TMTC1: variants seen among roughly 807,000 people sequenced by gnomAD.
The protein encoded by TMTC1 is protein O-mannosyl-transferase TMTC1.
A neutral mutation model predicts 104.8 loss-of-function variants in TMTC1; 73 were observed. The ratio of observed to expected loss-of-function variants is 0.70; its 90% confidence interval spans 0.58 to 0.85. The LOEUF (loss-of-function observed/expected upper bound fraction) is 0.85. Among genes scored for constraint, TMTC1 ranks in the 40% least tolerant of loss-of-function variants. The pLI is 0.00. For synonymous variants in TMTC1, 434 were observed against 428.7 expected (o/e 1.01, Z -0.15); for missense variants, 1,035 against 1,096.1 (o/e 0.94, Z 0.79).
At chr12:29,591,688 C>A (rs159700) in intron 7 of TMTC1, among the ~76,000 whole-genome samples, 55,569 of 152,104 alleles carry the variant, frequency 0.37, 10,544 homozygotes, top group East Asian at 0.45. Flanking sequence ...GCTAGGCATG[C>A]AGCACTTAAA....
At chr12:29,559,610 T>C (rs1370560700) in intron 9 of TMTC1, among the ~76,000 whole-genome samples, 3 of 152,210 alleles carry the variant, frequency 2.0e-5, no homozygotes, top group Middle Eastern at 3.2e-3. Context: ...AGAAACGTGA[T>C]GCTCAGGAGG....
At chr12:29,560,477 G>A (rs1444770996) in intron 9 of TMTC1, among the ~76,000 whole-genome samples, 1 of 151,994 alleles carries the variant, frequency 6.6e-6, no homozygotes, top group African/African-American at 2.4e-5. Flanking sequence ...AAATGTATGG[G>A]GCCGGGTGAG....
intron 6 of TMTC1, among the ~76,000 whole-genome samples, chr12:29,623,825 ATAAATTAAATTAAAT>A (rs1555177658): frequency 6.7e-6 from 1 of 148,824 alleles, no homozygotes; most frequent in Non-Finnish European, 1.5e-5. Flanking sequence ...AAATAAATAA[ATAAATTAAATTAAAT>A]TAAATTAAAT....
chr12:29,664,092 A>T (rs12828880), intron 5 of TMTC1, among the ~76,000 whole-genome samples: 2 of 149,456 alleles, frequency 1.3e-5, no homozygotes, highest in African/African-American at 4.9e-5. Flanking sequence ...GAGGCTGAGG[A>T]AGGAGAATGG....
chr12:29,701,084 A>C (rs1348457693), intron 5 of TMTC1, among the ~76,000 whole-genome samples: 1 of 149,888 alleles, frequency 6.7e-6, no homozygotes, highest in African/African-American at 2.5e-5. Context: ...CTGCTGACTG[A>C]GAGTCTTGCT....
chr12:29,659,872 A>C, intron 5 of TMTC1: 1 of 1,526,418 alleles, frequency 6.6e-7, no homozygotes, highest in East Asian at 2.4e-5. Context: ...AAAATTATTT[A>C]TACTAACCTC....
chr12:29,598,766 G>C (rs1410552636), intron 7 of TMTC1, among the ~76,000 whole-genome samples: 1 of 152,026 alleles, frequency 6.6e-6, no homozygotes, highest in African/African-American at 2.4e-5. Flanking sequence ...ACTGATTTTT[G>C]TAAGTTAATT....
intron 5 of TMTC1, among the ~76,000 whole-genome samples, chr12:29,643,605 T>TATA (rs372132538): frequency 0.035 from 1,859 of 52,396 alleles, 109 homozygotes; most frequent in Admixed American, 0.053. Context: ...TATTATATAT[T>TATA]ATATATAATA....
At chr12:29,562,694 T>C (rs1945407694) in intron 9 of TMTC1, among the ~76,000 whole-genome samples, 1 of 152,216 alleles carries the variant, frequency 6.6e-6, no homozygotes, top group Non-Finnish European at 1.5e-5. Context: ...CTTTAGTTGC[T>C]TTCTTTAAAA....
chr12:29,635,052 G>A (rs1001000058), intron 5 of TMTC1, among the ~76,000 whole-genome samples: 2 of 152,174 alleles, frequency 1.3e-5, no homozygotes, highest in Non-Finnish European at 1.5e-5. Context: ...TGGGTTGAAA[G>A]AGGCATGGCT....
At chr12:29,769,991 A>G (rs1943559667) in intron 1 of TMTC1, among the ~76,000 whole-genome samples, 1 of 152,098 alleles carries the variant, frequency 6.6e-6, no homozygotes. Context: ...GTGAATGTAC[A>G]AGAATGCATC....
chr12:29,749,115 G>A (rs1048891546), intron 5 of TMTC1, among the ~76,000 whole-genome samples: 26 of 152,036 alleles, frequency 1.7e-4, no homozygotes, highest in African/African-American at 5.1e-4. Context: ...CAGGAGTCCC[G>A]TTCTTTGGAG....
At position 29,505,540 on chromosome 12, in the gene TMTC1, C is replaced by A. The variant is rs972781401; in HGVS notation, c.*1306G>T. On this transcript the variant is annotated 3_prime_UTR_variant, in exon 18 of 18. Transcript: ENST00000539277. ...AATTTAGATTTACATTTTATAAGATCAGTTTTGAAAGCTGATATTAAAACC... is the reference window on the plus strand; with the variant it reads ...AATTTAGATTTACATTTTATAAGATAAGTTTTGAAAGCTGATATTAAAACC... 8.6e-5 allele frequency: 13 copies of A among 151,962 alleles called. No individual in the cohort carries two copies. Among genetic ancestry groups the A allele is most frequent in the African/African-American group, 3.1e-4 (13 of 41,344 alleles). The allele number at this position is 151,962 out of a possible 1,614,324, so 9.4% of individuals were successfully genotyped here.
chr12:29,713,637 A>G (rs960302657), intron 5 of TMTC1, among the ~76,000 whole-genome samples: 1 of 152,180 alleles, frequency 6.6e-6, no homozygotes, highest in African/African-American at 2.4e-5. Context: ...AAAACTCACA[A>G]TGAAGTCACA....
chr12:29,652,700 G>GAAAT (rs1939578042), intron 5 of TMTC1, among the ~76,000 whole-genome samples: 1 of 152,160 alleles, frequency 6.6e-6, no homozygotes, highest in African/African-American at 2.4e-5. Context: ...CTGCCCTTGA[G>GAAAT]AAATTCACAT....
At chr12:29,678,407 G>T (rs947005835) in intron 5 of TMTC1, among the ~76,000 whole-genome samples, 5 of 152,136 alleles carry the variant, frequency 3.3e-5, no homozygotes, top group Non-Finnish European at 7.4e-5. Context: ...AACAATTCCA[G>T]GTCTGGCCCC....
intron 10 of TMTC1, among the ~76,000 whole-genome samples, chr12:29,554,736 G>C (rs148298103): frequency 6.9e-4 from 105 of 152,162 alleles, no homozygotes; most frequent in East Asian, 5.8e-4. Context: ...CCAGCCATGG[G>C]GGGGCATGCC....
At chr12:29,705,035 A>G (rs1444677636) in intron 5 of TMTC1, among the ~76,000 whole-genome samples, 1 of 152,250 alleles carries the variant, frequency 6.6e-6, no homozygotes, top group African/African-American at 2.4e-5. Flanking sequence ...GCCGATAAAT[A>G]CCTACAGGTC....
intron 2 of TMTC1, 71 bp from the exon 3 acceptor site, chr12:29,758,848 T>C: frequency 7.8e-7 from 1 of 1,284,300 alleles, no homozygotes; most frequent in East Asian, 2.5e-5. Flanking sequence ...ACAAATCCAT[T>C]ACAGAAATGT....
Sources: gnomAD v4.1 joint callset for allele counts (sites outside exome capture counted in the v4.1 genomes callset) on GRCh38, gnomAD v4.1.1 for gene constraint, MANE v1.5 for transcripts, NCBI Gene and HGNC (gene_info 2026-07-23, HGNC 2026-07-21) for gene names.